Variants in ELP1 observed in about 807,000 individuals in gnomAD.
The protein encoded by ELP1 is elongator acetyltransferase complex subunit 1.
ELP1 carries 131 observed loss-of-function variants against 183.2 expected under a neutral mutation model. That is an observed-to-expected ratio of 0.72 (90% CI 0.62 to 0.83). ELP1 has a LOEUF of 0.83. Ranked by LOEUF, ELP1 falls within the 40% of genes least tolerant of loss-of-function variation. The pLI is 0.00. For synonymous variants in ELP1, 555 were observed against 569.0 expected (o/e 0.98, Z 0.35); for missense variants, 1,550 against 1,594.9 (o/e 0.97, Z 0.48).
chr9:108,927,030 A>T (rs1296890277), intron 4 of ELP1, among the ~76,000 whole-genome samples: 4 of 152,214 alleles, frequency 2.6e-5, no homozygotes, highest in South Asian at 4.1e-4. Flanking sequence ...AATAAGTTAA[A>T]ATACATATTG....
chr9:108,875,491 C>G (rs1441528370), intron 35 of ELP1: 3 of 259,180 alleles, frequency 1.2e-5, no homozygotes, highest in African/African-American at 6.8e-5. Context: ...TAGTGCAGAC[C>G]CTTGGTGGCA....
rs562672345 is a variant in ELP1 at position 108,916,803 on chromosome 9, G to C, written c.865-506C>G. On this transcript the variant is annotated intron_variant, in intron 9 of 36. Coordinates refer to ENST00000374647, the MANE Select transcript of ELP1 (RefSeq NM_003640.5). ...AAATGTTGGTATCTACTGAAAGTGA[G>C]TAATAGTTACATGGGAGTTCATTAA... Among the ~76,000 whole-genome samples the C allele has an allele frequency of 2.7e-4, 41 of 152,320 alleles. No homozygotes were observed. The East Asian group carries it at 6.9e-3, about 26-fold the overall frequency.
At chr9:108,927,534 TA>T in intron 3 of ELP1, 81 bp from the exon 4 acceptor site, 1 of 1,115,696 alleles carries the variant, frequency 9.0e-7, no homozygotes, top group Non-Finnish European at 1.4e-6. Context: ...TCAAAACAAT[TA>T]AAAAAACAAA....
chr9:108,881,604 A>G, intron 31 of ELP1, 101 bp downstream of exon 31: 2 of 768,788 alleles, frequency 2.6e-6, no homozygotes, highest in South Asian at 2.9e-5. Flanking sequence ...AGTCTACATG[A>G]CATATTATTA....
intron 18 of ELP1, 34 bp downstream of exon 18, chr9:108,901,391 G>T: frequency 2.8e-6 from 4 of 1,424,876 alleles, no homozygotes; most frequent in Non-Finnish European, 4.0e-6. Context: ...CATTGGAGAA[G>T]GGACCATTTC....
intron 29 of ELP1, among the ~76,000 whole-genome samples, chr9:108,883,561 G>A (rs200294149): frequency 2.0e-4 from 29 of 144,206 alleles, no homozygotes; most frequent in South Asian, 1.3e-3. Flanking sequence ...GAATCTTTTG[G>A]AAAAAAAAAA....
intron 22 of ELP1, 84 bp downstream of exon 22, chr9:108,898,418 T>C: frequency 1.1e-6 from 1 of 898,616 alleles, no homozygotes. Context: ...GAATTTTTCT[T>C]CTCTAGCTAT....
chr9:108,870,039 G>A (rs1042063389), intron 36 of ELP1, among the ~76,000 whole-genome samples: 5 of 151,816 alleles, frequency 3.3e-5, no homozygotes, highest in South Asian at 4.2e-4. Context: ...GCAGTGGCAC[G>A]ATCATGACTC....
chr9:108,922,942 G>A lies in ELP1; in HGVS notation c.467-15C>T. The A allele has an allele frequency of 6.3e-7, 1 of 1,574,948 alleles. No individual in the cohort carries two copies. Among genetic ancestry groups the A allele is most frequent in the Non-Finnish European group, 8.7e-7 (1 of 1,144,322 alleles). On this transcript the variant is annotated splice_polypyrimidine_tract_variant and intron_variant, in intron 5 of 36. Transcript: ENST00000374647. ...GATAAACTTGCCTACAGAACAATTG[G>A]CAAGACAACTAATAAGCCACATGAA...
chr9:108,890,552 T>C (rs532137911), intron 28 of ELP1, among the ~76,000 whole-genome samples: 1 of 152,326 alleles, frequency 6.6e-6, no homozygotes, highest in South Asian at 2.1e-4. Context: ...TAGGTGTCCT[T>C]ACCCTTTCCT....
At chr9:108,895,854 A>G (rs774853301) in intron 25 of ELP1, among the ~76,000 whole-genome samples, 3 of 152,216 alleles carry the variant, frequency 2.0e-5, no homozygotes, top group Non-Finnish European at 4.4e-5. Context: ...CCTCCACTAG[A>G]AAAAAGAGCC....
At chr9:108,929,624 T>G (rs1290865870) in intron 3 of ELP1, 145 bp downstream of exon 3, 1 of 811,038 alleles carries the variant, frequency 1.2e-6, no homozygotes, top group African/African-American at 1.8e-5. Flanking sequence ...ATGTTAACAA[T>G]TTTTTAAATA....
intron 6 of ELP1, among the ~76,000 whole-genome samples, chr9:108,922,349 A>C (rs949611705): frequency 3.9e-5 from 6 of 152,210 alleles, no homozygotes; most frequent in South Asian, 4.1e-4. Context: ...TAGAAGATTA[A>C]AAAGTCCTGC....
intron 27 of ELP1, 99 bp downstream of exon 27, chr9:108,892,887 T>G: frequency 1.2e-6 from 1 of 839,258 alleles, no homozygotes; most frequent in Non-Finnish European, 2.1e-6. Context: ...AAGATAAATT[T>G]TGAAGCCAAG....
chr9:108,910,919 G>C (rs1281207698), intron 12 of ELP1, 91 bp downstream of exon 12: 2 of 1,094,604 alleles, frequency 1.8e-6, no homozygotes, highest in Admixed American at 1.7e-5. Flanking sequence ...AGAAACACTA[G>C]ACCTATGGCA....
chr9:108,896,025 A>C (rs912051548), intron 25 of ELP1, among the ~76,000 whole-genome samples: 1 of 152,236 alleles, frequency 6.6e-6, no homozygotes, highest in Non-Finnish European at 1.5e-5. Context: ...TGGGAGACTG[A>C]GGTAGGCGGA....
At chr9:108,908,664 T>G (rs1238325761) in intron 12 of ELP1, among the ~76,000 whole-genome samples, 1 of 152,240 alleles carries the variant, frequency 6.6e-6, no homozygotes, top group Non-Finnish European at 1.5e-5. Flanking sequence ...TCCTCCACTG[T>G]CTTCAACCAC....
At chr9:108,919,433 T>C (rs1829564473) in intron 6 of ELP1, 84 bp from the exon 7 acceptor site, 2 of 911,254 alleles carry the variant, frequency 2.2e-6, no homozygotes, top group Non-Finnish European at 3.6e-6. Context: ...TAGATACAGA[T>C]GTTTTTTAAG....
intron 6 of ELP1, among the ~76,000 whole-genome samples, chr9:108,919,605 G>T (rs1829571476): frequency 6.7e-6 from 1 of 149,374 alleles, no homozygotes. Flanking sequence ...AACAGCAAAA[G>T]AGGAAAAGAG....
Sources: gnomAD v4.1 joint callset for allele counts (sites outside exome capture counted in the v4.1 genomes callset) on GRCh38, gnomAD v4.1.1 for gene constraint, MANE v1.5 for transcripts, NCBI Gene and HGNC (gene_info 2026-07-23, HGNC 2026-07-21) for gene names.